Variants in SEMA3E observed in about 807,000 individuals in gnomAD.
SEMA3E encodes semaphorin 3E.
A neutral mutation model predicts 93.6 loss-of-function variants in SEMA3E; 49 were observed. The ratio of observed to expected loss-of-function variants is 0.52; its 90% CI spans 0.42 to 0.66. The LOEUF (loss-of-function observed/expected upper bound fraction) is 0.66. Among genes scored for constraint, SEMA3E ranks in the 30% least tolerant of loss-of-function variants. The probability of loss-of-function intolerance (pLI) is 0.00; values close to 1 mark genes in which losing one functional copy is unlikely to be tolerated. For synonymous variants in SEMA3E, 363 were observed against 330.7 expected, an observed-to-expected ratio of 1.10 and a Z score of -1.06; for missense variants, 906 against 964.8, an observed-to-expected ratio of 0.94 and a Z score of 0.81.
intron 2 of SEMA3E, among the ~76,000 whole-genome samples, chr7:83,486,750 C>A (rs1054428630): frequency 6.6e-6 from 1 of 152,088 alleles, no homozygotes; most frequent in South Asian, 2.1e-4. Context: ...CCTCAGGACT[C>A]CTTCCTGGCA....
At chr7:83,488,503 T>C (rs1790313877) in intron 2 of SEMA3E, among the ~76,000 whole-genome samples, 1 of 152,148 alleles carries the variant, frequency 6.6e-6, no homozygotes, top group African/African-American at 2.4e-5. Flanking sequence ...TTGGAAACAA[T>C]GGAGCGGTAT....
At chr7:83,491,488 A>G (rs1790383591) in intron 1 of SEMA3E, among the ~76,000 whole-genome samples, 1 of 152,098 alleles carries the variant, frequency 6.6e-6, no homozygotes, top group African/African-American at 2.4e-5. Flanking sequence ...AAAATGAACA[A>G]TACTGCTAAA....
At chr7:83,518,428 G>A (rs1790978733) in intron 1 of SEMA3E, among the ~76,000 whole-genome samples, 1 of 152,060 alleles carries the variant, frequency 6.6e-6, no homozygotes, top group Non-Finnish European at 1.5e-5. Flanking sequence ...CATATAACCA[G>A]GAAAGAGGCT....
intron 1 of SEMA3E, among the ~76,000 whole-genome samples, chr7:83,557,988 T>G (rs1457581234): frequency 1.3e-5 from 2 of 152,184 alleles, no homozygotes; most frequent in Non-Finnish European, 2.9e-5. Context: ...TATTTGAACA[T>G]GATCCAGAAG....
In SEMA3E at chr7:83,486,849, T is replaced by C. The variant is rs575819675; in HGVS notation, c.276+3265A>G. Among the ~76,000 whole-genome samples, 10 of 152,190 alleles carry C rather than the reference T, an allele frequency of 6.6e-5. No individual in the cohort carries two copies. In the South Asian group the frequency reaches 1.7e-3, roughly 25 times the overall value. ...TTAAAGTTTGTGTTAATTATATTAGTTAAAAGTCTCCCACTCCCCCAAGTT... is the reference window on the plus strand; with the variant it reads ...TTAAAGTTTGTGTTAATTATATTAGCTAAAAGTCTCCCACTCCCCCAAGTT... On this transcript the variant is annotated intron_variant, in intron 2 of 16. Coordinates refer to ENST00000643230, the MANE Select transcript of SEMA3E (RefSeq NM_012431.3).
chr7:83,456,411 C>T (rs2723023), intron 4 of SEMA3E, among the ~76,000 whole-genome samples: 50,491 of 151,852 alleles, frequency 0.33, 10,020 homozygotes, highest in East Asian at 0.47. Context: ...TCATTTTATT[C>T]TCCATGAAAT....
chr7:83,420,122 A>C (rs1454773412), intron 4 of SEMA3E, among the ~76,000 whole-genome samples: 1 of 152,208 alleles, frequency 6.6e-6, no homozygotes, highest in Non-Finnish European at 1.5e-5. Flanking sequence ...TCTAAAAATC[A>C]GCAAAATTTC....
rs1794699101 is a variant in SEMA3E at position 83,368,033 on chromosome 7, C to T, written c.1881G>A (p.Lys627=). The T allele has an allele frequency of 6.2e-7, 1 of 1,613,838 alleles. No individual in the cohort carries two copies. The highest frequency in any genetic ancestry group is 8.5e-7 in the Non-Finnish European group (1 of 1,179,948). The change falls in exon 17 of 17, where the codon AAG becomes AAA. Residue 627 remains lysine (K), a synonymous_variant. Transcript: ENST00000643230. ...KGRETRKEEV[K]TDDRVVKMDL... ...CCATCTTAACCACTCTGTCATCTGT[C>T]TTCACCTGCAAAAACAAAAAAGTAA...
chr7:83,423,670 A>ATTTTT (rs71074657), intron 4 of SEMA3E, among the ~76,000 whole-genome samples: 18 of 142,694 alleles, frequency 1.3e-4, no homozygotes, highest in Non-Finnish European at 2.4e-4. Flanking sequence ...CGCCCGGCTA[A>ATTTTT]TTTTTTTTTT....
At chr7:83,381,944 C>T (rs967401367) in intron 16 of SEMA3E, among the ~76,000 whole-genome samples, 1 of 151,950 alleles carries the variant, frequency 6.6e-6, no homozygotes, top group Non-Finnish European at 1.5e-5. Context: ...TGGGCAGGTT[C>T]TCTGGCATCT....
chr7:83,428,124 G>C (rs1193598129), intron 4 of SEMA3E, among the ~76,000 whole-genome samples: 1 of 151,922 alleles, frequency 6.6e-6, no homozygotes, highest in Admixed American at 6.5e-5. Flanking sequence ...TCCTCTTTGG[G>C]CCTTGAGGGA....
At chr7:83,450,885 A>G (rs1033356072) in intron 4 of SEMA3E, among the ~76,000 whole-genome samples, 1 of 152,184 alleles carries the variant, frequency 6.6e-6, no homozygotes, top group African/African-American at 2.4e-5. Context: ...CAGAATCTAT[A>G]TAATTAAAGA....
At chr7:83,481,858 C>T (rs1008439655) in intron 2 of SEMA3E, among the ~76,000 whole-genome samples, 1 of 152,178 alleles carries the variant, frequency 6.6e-6, no homozygotes, top group African/African-American at 2.4e-5. Flanking sequence ...TGTGCATATT[C>T]ATATAAGTTC....
intron 1 of SEMA3E, among the ~76,000 whole-genome samples, chr7:83,496,270 C>A (rs75139100): frequency 0.024 from 3,709 of 151,784 alleles, 142 homozygotes; most frequent in African/African-American, 0.084. Flanking sequence ...TTAAAAATAC[C>A]CTAGTAATTA....
At chr7:83,640,023 A>G (rs527442669) in intron 1 of SEMA3E, among the ~76,000 whole-genome samples, 1 of 152,236 alleles carries the variant, frequency 6.6e-6, no homozygotes, top group East Asian at 1.9e-4. Context: ...TACATTTCCT[A>G]TTTGACTTTA....
rs1794621730 is a variant in SEMA3E, at chr7:83,363,859, CATTTTTTTTTTTT to C, written c.*3714_*3726del. On this transcript the variant is annotated 3_prime_UTR_variant, in exon 17 of 17. Transcript: ENST00000643230. ...AGGCTACAGGTGTCACAGGTCAATT[CATTTTTTTTTTTT>C]TTTTTTTTTTTTTTTTTTTTTTTTT... is the stretch of plus-strand genomic sequence containing the variant. 3 of 100,558 alleles carry C rather than the reference CATTTTTTTTTTTT, an allele frequency of 3.0e-5. No homozygotes were observed. The highest frequency in any genetic ancestry group is 9.3e-5 in the African/African-American group (2 of 21,430). The allele number at this position is 100,558 out of a possible 1,614,324, so 6.2% of individuals were successfully genotyped here.
chr7:83,461,353 G>C (rs575653227), intron 4 of SEMA3E, among the ~76,000 whole-genome samples: 20 of 151,918 alleles, frequency 1.3e-4, no homozygotes, highest in Admixed American at 1.0e-3. Flanking sequence ...GCTGCTCCTC[G>C]CCAGGCTGAG....
intron 1 of SEMA3E, among the ~76,000 whole-genome samples, chr7:83,492,900 A>G (rs988610668): frequency 2.0e-5 from 3 of 151,970 alleles, no homozygotes; most frequent in African/African-American, 7.2e-5. Flanking sequence ...CTCTAAAAAC[A>G]TGAGAATTAA....
At chr7:83,371,327 A>T (rs1404139416) in intron 16 of SEMA3E, among the ~76,000 whole-genome samples, 1 of 152,188 alleles carries the variant, frequency 6.6e-6, no homozygotes, top group Admixed American at 6.5e-5. Flanking sequence ...TTTCAAGGTC[A>T]CTTGAATAAA....
Sources: allele counts gnomAD v4.1 joint callset (sites outside exome capture counted in the v4.1 genomes callset), GRCh38; gene constraint gnomAD v4.1.1; transcripts MANE v1.5; gene names NCBI Gene and HGNC (gene_info 2026-07-23, HGNC 2026-07-21).